Variants in SVOP observed in about 807,000 individuals in gnomAD.
SVOP encodes SV2 related protein.
Under a neutral mutation model 69.1 loss-of-function variants are expected in SVOP, and 17 were observed. The observed-to-expected ratio is 0.25, with a 90% CI of 0.17 to 0.37. The LOEUF is 0.37. Among genes scored for constraint, SVOP ranks in the 10% least tolerant of loss-of-function variants. SVOP has a pLI of 1.00. For missense variants in SVOP, 435 were observed against 597.5 expected, an observed-to-expected ratio of 0.73 and a Z score of 2.84; for synonymous variants, 238 against 238.6, an observed-to-expected ratio of 1.00 and a Z score of 0.02.
chr12:108,989,009 G>C (rs1310204037), intron 1 of SVOP, among the ~76,000 whole-genome samples: 1 of 152,066 alleles, frequency 6.6e-6, no homozygotes, highest in Admixed American at 6.6e-5. Flanking sequence ...CTGACCTCAA[G>C]TGATCGGCCT....
At chr12:108,931,100 A>G (rs1224326155) in intron 11 of SVOP, among the ~76,000 whole-genome samples, 1 of 152,192 alleles carries the variant, frequency 6.6e-6, no homozygotes, top group Non-Finnish European at 1.5e-5. Flanking sequence ...TGCTCAGTCA[A>G]TACCAAACCC....
chr12:108,939,271 C>T (rs926922410), intron 8 of SVOP, among the ~76,000 whole-genome samples: 1 of 152,118 alleles, frequency 6.6e-6, no homozygotes, highest in Non-Finnish European at 1.5e-5. Flanking sequence ...TGGGTTAATG[C>T]AGTTATTATT....
intron 1 of SVOP, among the ~76,000 whole-genome samples, chr12:109,016,794 G>A (rs980683031): frequency 2.0e-5 from 3 of 149,354 alleles, no homozygotes. Context: ...TCAGGCTGGA[G>A]TGCAGTGTCA....
chr12:108,953,359 G>T (rs1449938663), intron 6 of SVOP, among the ~76,000 whole-genome samples: 1 of 151,802 alleles, frequency 6.6e-6, no homozygotes, highest in East Asian at 1.9e-4. Flanking sequence ...TGTTGGTCAG[G>T]CTGGTCTCAA....
intron 6 of SVOP, among the ~76,000 whole-genome samples, chr12:108,948,844 G>T (rs192043149): frequency 6.6e-6 from 1 of 152,158 alleles, no homozygotes; most frequent in East Asian, 1.9e-4. Flanking sequence ...AGATTATAGT[G>T]GTTGCTAAAG....
chr12:109,011,384 G>T (rs1288219939), intron 1 of SVOP, among the ~76,000 whole-genome samples: 1 of 152,224 alleles, frequency 6.6e-6, no homozygotes, highest in Non-Finnish European at 1.5e-5. Context: ...GGGATGCCCA[G>T]GCTATTACAA....
chr12:108,940,654 C>T, intron 8 of SVOP, 130 bp downstream of exon 8: 3 of 1,370,032 alleles, frequency 2.2e-6, no homozygotes, highest in Non-Finnish European at 2.9e-6. Context: ...TCCCTTGTCT[C>T]ATTTCCTGAT....
chr12:108,922,606 G>C, intron 12 of SVOP, 84 bp downstream of exon 12: 1 of 984,346 alleles, frequency 1.0e-6, no homozygotes, highest in South Asian at 1.4e-5. Context: ...TTGCTTCCAG[G>C]TAGGGTAGAC....
rs189625183 is a variant in SVOP, at chr12:108,978,363, C to T, written c.282+215G>A. The T allele has an allele frequency of 1.2e-5, 6 of 504,420 alleles. No homozygotes were observed. The Admixed American group carries it at 2.2e-4, about 18-fold the overall frequency. The allele number at this position is 504,420 out of a possible 1,614,324, so 31.2% of individuals were successfully genotyped here. On this transcript the variant is annotated intron_variant, in intron 3 of 15. Transcript: ENST00000610966. ...CCACCTAATTAGCTAGAAAGTTCAA[C>T]TCCTTCTTGGGGGCAACTGCCAAAC... is the stretch of plus-strand genomic sequence containing the variant.
chr12:108,965,979 C>A (rs559262765), intron 5 of SVOP, among the ~76,000 whole-genome samples: 2 of 150,066 alleles, frequency 1.3e-5, no homozygotes, highest in Non-Finnish European at 3.0e-5. Flanking sequence ...TCCCTCCCCC[C>A]ACTTCCCTCC....
intron 6 of SVOP, among the ~76,000 whole-genome samples, chr12:108,947,125 G>A (rs1231517975): frequency 2.0e-5 from 3 of 152,122 alleles, no homozygotes. Flanking sequence ...ATCATTCCTT[G>A]AGGTCTTCCC....
At chr12:108,924,287 C>T (rs759552503) in intron 11 of SVOP, among the ~76,000 whole-genome samples, 1 of 152,122 alleles carries the variant, frequency 6.6e-6, no homozygotes, top group Non-Finnish European at 1.5e-5. Context: ...GTTACCCAGT[C>T]TAAGGTATTT....
rs150664164 is a variant in SVOP at position 108,909,678 on chromosome 12, T to C, written c.*2857A>G. 4.7e-4 allele frequency: 72 copies of C among 152,318 alleles called. No homozygotes were observed. The highest frequency in any genetic ancestry group is 1.5e-3 in the African/African-American group (62 of 41,582). The allele number at this position is 152,318 out of a possible 1,614,324, so 9.4% of individuals were successfully genotyped here. On this transcript the variant is annotated 3_prime_UTR_variant, in exon 16 of 16. Transcript: ENST00000610966. The stretch of plus-strand genomic sequence containing the variant: ...AAGGTCAGTTATATGTTTTTCAGAA[T>C]ACTTGAAGTACGAGAAAAACAGAAA...
intron 1 of SVOP, among the ~76,000 whole-genome samples, chr12:108,993,172 T>TA (rs1415144586): frequency 6.6e-6 from 1 of 152,056 alleles, no homozygotes; most frequent in Non-Finnish European, 1.5e-5. Context: ...CACGCCCGGC[T>TA]AACTTTTGCA....
In SVOP at chr12:108,915,845, C is replaced by A; in HGVS notation, c.1378G>T (p.Gly460Cys). The change falls in exon 15 of 16, where the codon GGC becomes TGC. Residue 460 changes from glycine to cysteine, a missense_variant. By Grantham distance (159) the Gly-to-Cys change is radical. Coordinates refer to ENST00000610966, the MANE Select transcript of SVOP (RefSeq NM_018711.5). ...EVYPTATRAL[G>C]LGTCSGMARV... Reference sequence around the variant, plus strand: ...GCCATGCCGCTGCAGGTGCCCAGGCCGAGGGCCCGCGTTGCCGTGGGGTAG... The same window carrying A: ...GCCATGCCGCTGCAGGTGCCCAGGCAGAGGGCCCGCGTTGCCGTGGGGTAG... 1 of 1,607,964 alleles carries A rather than the reference C, an allele frequency of 6.2e-7. No homozygotes were observed.
chr12:108,997,154 G>A (rs1369305037), intron 1 of SVOP, among the ~76,000 whole-genome samples: 8 of 152,174 alleles, frequency 5.3e-5, no homozygotes, highest in Non-Finnish European at 8.8e-5. Flanking sequence ...CTTGGGAAGC[G>A]CAAGGGGTCA....
At chr12:108,948,333 C>T (rs2039936269) in intron 6 of SVOP, among the ~76,000 whole-genome samples, 1 of 152,194 alleles carries the variant, frequency 6.6e-6, no homozygotes, top group East Asian at 1.9e-4. Context: ...CTATGCAACC[C>T]AATCAATGGG....
At chr12:108,915,378 C>G (rs1473791244) in intron 15 of SVOP, among the ~76,000 whole-genome samples, 1 of 152,048 alleles carries the variant, frequency 6.6e-6, no homozygotes, top group Non-Finnish European at 1.5e-5. Flanking sequence ...GTCCATTACT[C>G]CTATTTTTAT....
At chr12:109,017,090 C>T (rs958749987) in intron 1 of SVOP, among the ~76,000 whole-genome samples, 1 of 152,038 alleles carries the variant, frequency 6.6e-6, no homozygotes. Flanking sequence ...TGTCCTAGAC[C>T]AGGGGTCCCC....
Sources: gnomAD v4.1 joint callset for allele counts (sites outside exome capture counted in the v4.1 genomes callset) on GRCh38, gnomAD v4.1.1 for gene constraint, MANE v1.5 for transcripts, NCBI Gene and HGNC (gene_info 2026-07-23, HGNC 2026-07-21) for gene names.